The following DMD variants were observed in gnomAD, a reference collection of about 807,000 sequenced individuals.
DMD encodes the protein dystrophin, also known as mutant dystrophin.
Under a neutral mutation model 330.1 loss-of-function variants are expected in DMD, and 63 were observed. The observed-to-expected ratio is 0.19, with a 90% CI of 0.16 to 0.24. The LOEUF (loss-of-function observed/expected upper bound fraction) is 0.24. DMD is among the 10% of genes least tolerant of loss of function. The probability of loss-of-function intolerance (pLI) is 1.00; values close to 1 mark genes in which losing one functional copy is unlikely to be tolerated. For synonymous variants in DMD, 1,223 were observed against 959.8 expected, an observed-to-expected ratio of 1.27 and a Z score of -5.07; for missense variants, 3,344 against 2,684.1, an observed-to-expected ratio of 1.25 and a Z score of -5.43.
chrX:32,890,785 C>G (rs1216562727), intron 2 of DMD, among the ~76,000 whole-genome samples: 1 of 111,690 alleles, frequency 9.0e-6, no homozygotes, highest in African/African-American at 3.3e-5. Context: ...ACTAGCATAA[C>G]TGAGGAAGCC....
At chrX:32,690,641 C>T (rs770938194) in intron 9 of DMD, among the ~76,000 whole-genome samples, 46 of 106,934 alleles carry the variant, frequency 4.3e-4, no homozygotes, top group Non-Finnish European at 7.4e-4. Flanking sequence ...GTCATGAAGA[C>T]AGACATATAG....
At chrX:31,193,371 A>T (rs979419799) in intron 67 of DMD, among the ~76,000 whole-genome samples, 2 of 112,434 alleles carry the variant, frequency 1.8e-5, no homozygotes, top group Non-Finnish European at 3.8e-5. Flanking sequence ...TTCAGTAAAG[A>T]GAGATATCAT....
At chrX:31,733,856 T>C (rs188704646) in intron 51 of DMD, among the ~76,000 whole-genome samples, 369 of 111,113 alleles carry the variant, frequency 3.3e-3, no homozygotes, top group Middle Eastern at 0.014. Flanking sequence ...CTCATTTCCA[T>C]TTTATACTGG....
intron 44 of DMD, chrX:32,102,122 G>A (rs2096542751): frequency 9.0e-6 from 1 of 111,721 alleles, no homozygotes; most frequent in Non-Finnish European, 1.9e-5. Context: ...GAAGCTAAGT[G>A]AGGTTCGACC....
chrX:32,660,396 C>A (rs916364126), intron 9 of DMD, among the ~76,000 whole-genome samples: 1 of 111,100 alleles, frequency 9.0e-6, no homozygotes, highest in Non-Finnish European at 1.9e-5. Flanking sequence ...AAACAGAACC[C>A]TAAGTGAGGT....
intron 12 of DMD, among the ~76,000 whole-genome samples, chrX:32,596,929 C>A (rs1474955589): frequency 9.0e-6 from 1 of 111,448 alleles, no homozygotes; most frequent in Non-Finnish European, 1.9e-5. Flanking sequence ...TTTATAAAAA[C>A]CAATAGATTT....
At chrX:32,775,878 A>T (rs7066979) in intron 7 of DMD, among the ~76,000 whole-genome samples, 9,200 of 112,526 alleles carry the variant, frequency 0.082, 908 homozygotes, top group African/African-American at 0.28. Context: ...TGCCGCATGG[A>T]CAGGCTGCAA....
At chrX:32,876,807 G>A (rs1168006829) in intron 2 of DMD, among the ~76,000 whole-genome samples, 1 of 112,019 alleles carries the variant, frequency 8.9e-6, no homozygotes, top group Non-Finnish European at 1.9e-5. Flanking sequence ...TTTTGACTGA[G>A]TTGTACCATA....
chrX:31,370,611 C>T (rs1005377116), intron 60 of DMD, among the ~76,000 whole-genome samples: 1 of 112,448 alleles, frequency 8.9e-6, no homozygotes, highest in Admixed American at 9.4e-5. Context: ...AGTACAGACG[C>T]TTCGGAAAAG....
intron 2 of DMD, among the ~76,000 whole-genome samples, chrX:32,887,355 T>A (rs1281876573): frequency 9.6e-6 from 1 of 104,038 alleles, no homozygotes; most frequent in African/African-American, 3.5e-5. Context: ...TCAAAAAAAA[T>A]AAATAAATAA....
chrX:31,143,233 C>T (rs1004042504), intron 76 of DMD, among the ~76,000 whole-genome samples: 3 of 111,014 alleles, frequency 2.7e-5, no homozygotes, highest in East Asian at 5.7e-4. Flanking sequence ...GGGAGGGGTC[C>T]GGTGGGAGGT....
chrX:32,622,968 T>A (rs1040640285), intron 11 of DMD, among the ~76,000 whole-genome samples: 3 of 111,761 alleles, frequency 2.7e-5, no homozygotes, highest in Non-Finnish European at 1.9e-5. Context: ...CCACTGCTAG[T>A]CTACTTAAGG....
intron 2 of DMD, 126 bp downstream of exon 2, chrX:33,020,013 T>A (rs2093882908): frequency 4.0e-6 from 2 of 494,468 alleles, no homozygotes; most frequent in Non-Finnish European, 6.8e-6. Context: ...TTTCCAGATT[T>A]GCACAGCTAA....
chrX:32,955,741 C>T (rs757178273), intron 2 of DMD, among the ~76,000 whole-genome samples: 1 of 111,917 alleles, frequency 8.9e-6, no homozygotes, highest in East Asian at 2.8e-4. Flanking sequence ...GGTCCAGTTT[C>T]TATCTTCTGC....
intron 63 of DMD, among the ~76,000 whole-genome samples, chrX:31,249,269 T>A (rs374463821): frequency 8.1e-5 from 9 of 111,293 alleles, no homozygotes; most frequent in African/African-American, 2.9e-4. Context: ...TGAGACAGAG[T>A]CTCACTCTGT....
At chrX:32,134,398 A>G (rs1016466113) in intron 44 of DMD, among the ~76,000 whole-genome samples, 2 of 111,650 alleles carry the variant, frequency 1.8e-5, no homozygotes, top group Non-Finnish European at 3.8e-5. Flanking sequence ...GAACAAACAG[A>G]TAATGGAAGT....
At chrX:31,443,220 T>C in intron 60 of DMD, among the ~76,000 whole-genome samples, 1 of 111,305 alleles carries the variant, frequency 9.0e-6, no homozygotes, top group Non-Finnish European at 1.9e-5. Flanking sequence ...GGGTATAACA[T>C]GGTGTCCTTC....
At chrX:32,878,741 G>A (rs949340438) in intron 2 of DMD, among the ~76,000 whole-genome samples, 1 of 110,361 alleles carries the variant, frequency 9.1e-6, no homozygotes, top group Non-Finnish European at 1.9e-5. Context: ...CAGGTGCAAT[G>A]GCTCATGCCT....
chrX:32,350,431 C>G (rs1293822), intron 37 of DMD, among the ~76,000 whole-genome samples: 54,146 of 109,551 alleles, frequency 0.49, 11,090 homozygotes, highest in South Asian at 0.73. Flanking sequence ...CCCTAGTTCT[C>G]TTAATGGAAG....
Sources: gnomAD v4.1 joint callset for allele counts (sites outside exome capture counted in the v4.1 genomes callset) on GRCh38, gnomAD v4.1.1 for gene constraint, MANE v1.5 for transcripts, NCBI Gene and HGNC (gene_info 2026-07-23, HGNC 2026-07-21) for gene names.